TMEM131L: variants seen among roughly 807,000 people sequenced by gnomAD.
TMEM131L encodes transmembrane protein 131-like.
A neutral mutation model predicts 192.2 loss-of-function variants in TMEM131L; 54 were observed. That is an observed-to-expected ratio of 0.28 (90% CI 0.23 to 0.35). The LOEUF (loss-of-function observed/expected upper bound fraction) is 0.35. Ranked by LOEUF, TMEM131L falls within the 10% of genes least tolerant of loss-of-function variation. The pLI is 1.00. For synonymous variants in TMEM131L, 701 were observed against 704.9 expected, an observed-to-expected ratio of 0.99 and a Z score of 0.09; for missense variants, 1,888 against 1,972.9, an observed-to-expected ratio of 0.96 and a Z score of 0.82.
At chr4:153,467,311 T>G in intron 2 of TMEM131L, 30 bp downstream of exon 2, 1 of 1,544,108 alleles carries the variant, frequency 6.5e-7, no homozygotes, top group Non-Finnish European at 8.8e-7. Flanking sequence ...AGGGCGGCTG[T>G]GGGTGTACGA....
At chr4:153,468,376 G>A (rs975042845) in intron 2 of TMEM131L, among the ~76,000 whole-genome samples, 2 of 150,130 alleles carry the variant, frequency 1.3e-5, no homozygotes, top group Non-Finnish European at 2.9e-5. Context: ...TTTTGAGAAA[G>A]GGCCCCATCA....
chr4:153,583,791 T>A (rs1417439394), intron 11 of TMEM131L, 119 bp downstream of exon 11: 14 of 646,914 alleles, frequency 2.2e-5, no homozygotes, highest in Non-Finnish European at 3.8e-5. Context: ...TGCGTTTGAT[T>A]TCAAGAAGTC....
chr4:153,614,002 G>T (rs1455863229), intron 26 of TMEM131L, among the ~76,000 whole-genome samples: 2 of 152,270 alleles, frequency 1.3e-5, no homozygotes, highest in Middle Eastern at 3.4e-3. Flanking sequence ...CATAGTAGAG[G>T]GGACTTCAGA....
chr4:153,636,346 T>C lies in TMEM131L; in HGVS notation c.4603T>C (p.Phe1535Leu), dbSNP rs1734570410. The part of the protein sequence containing the change: ...TRSLSPMSGL[F>L]GSIWAPQSDV... ...AAGCTTGTCTCCAATGTCTGGACTT[T>C]TTGGTTCCATCTGGGCCCCGCAAAG... is the stretch of plus-strand genomic sequence containing the variant. Residue 1535 changes from phenylalanine (F) to leucine (L), a missense_variant, in exon 35 of 35, where the codon TTT (phenylalanine) becomes CTT (leucine). By Grantham distance (22) the Phe-to-Leu change is conservative. Coordinates refer to ENST00000409959, the MANE Select transcript of TMEM131L (RefSeq NM_001131007.2). The C allele has an allele frequency of 1.2e-6, 2 of 1,614,218 alleles. No individual in the cohort carries two copies. The highest frequency in any genetic ancestry group is 1.7e-6 in the Non-Finnish European group (2 of 1,180,044).
chr4:153,493,376 TG>T (rs1257238416), intron 3 of TMEM131L, among the ~76,000 whole-genome samples: 5 of 140,270 alleles, frequency 3.6e-5, no homozygotes, highest in South Asian at 2.3e-4. Context: ...AAGATATGTT[TG>T]GGGCTGGGCG....
In TMEM131L at chr4:153,466,520, A is replaced by T; in HGVS notation, c.123A>T (p.Gln41His). The change falls in exon 1 of 35, where the codon CAA becomes CAT. Residue 41 changes from glutamine (Q) to histidine (H), a missense_variant and splice_region_variant. Physicochemically the swap from Gln to His is conservative, Grantham distance 24. Transcript: ENST00000409959. Reference sequence around the variant, plus strand: ...GTCGCCCGGGAGGGGCTCAGGGACAAGGTCAGCCTTGCGCCGCTGGGCTCG... The same window carrying T: ...GTCGCCCGGGAGGGGCTCAGGGACATGGTCAGCCTTGCGCCGCTGGGCTCG... ...PCCRPGGAQG[Q>H]AIEPLPNVVE... 1 of 1,371,314 alleles carries T rather than the reference A, an allele frequency of 7.3e-7. No individual in the cohort carries two copies. The allele number at this position is 1,371,314 out of a possible 1,614,324, so 84.9% of individuals were successfully genotyped here.
intron 3 of TMEM131L, among the ~76,000 whole-genome samples, chr4:153,532,248 T>G (rs1394189369): frequency 6.6e-6 from 1 of 152,206 alleles, no homozygotes; most frequent in African/African-American, 2.4e-5. Context: ...CAAATGCATC[T>G]GCATATGGCA....
intron 7 of TMEM131L, among the ~76,000 whole-genome samples, chr4:153,570,372 C>G (rs1158061745): frequency 6.6e-6 from 1 of 152,150 alleles, no homozygotes; most frequent in Non-Finnish European, 1.5e-5. Context: ...TGAATTCATG[C>G]TGGTTGTGGA....
At chr4:153,626,036 T>C (rs1733821274) in intron 29 of TMEM131L, 111 bp from the exon 30 acceptor site, 1 of 631,530 alleles carries the variant, frequency 1.6e-6, no homozygotes, top group African/African-American at 1.9e-5. Flanking sequence ...CAGTTTAAAG[T>C]GAAAAATCAG....
chr4:153,607,520 G>A (rs1025190292), intron 25 of TMEM131L, among the ~76,000 whole-genome samples: 22 of 152,180 alleles, frequency 1.4e-4, no homozygotes, highest in Admixed American at 1.2e-3. Context: ...AACTCACTCA[G>A]TGTGTTTGCC....
intron 21 of TMEM131L, chr4:153,601,911 A>G: frequency 3.5e-6 from 1 of 282,858 alleles, no homozygotes; most frequent in Non-Finnish European, 6.4e-6. Flanking sequence ...GTATCTTGGT[A>G]GAGCATTTCA....
At chr4:153,568,347 G>A (rs1024269980) in intron 7 of TMEM131L, among the ~76,000 whole-genome samples, 1 of 152,174 alleles carries the variant, frequency 6.6e-6, no homozygotes, top group Non-Finnish European at 1.5e-5. Flanking sequence ...CTCCTTGTTT[G>A]TGCTTTAAAA....
chr4:153,479,105 A>G (rs1255603866), intron 3 of TMEM131L, among the ~76,000 whole-genome samples: 1 of 152,226 alleles, frequency 6.6e-6, no homozygotes, highest in Non-Finnish European at 1.5e-5. Context: ...TTTTACTGGC[A>G]AGACTGCCCA....
intron 1 of TMEM131L, 22 bp downstream of exon 1, chr4:153,466,543 T>G (rs1398835633): frequency 1.5e-6 from 2 of 1,307,516 alleles, no homozygotes; most frequent in African/African-American, 3.1e-5. Context: ...GCCGCTGGGC[T>G]CGCTCTGCCT....
At position 153,586,275 on chromosome 4, in the gene TMEM131L, G is replaced by T; in HGVS notation, c.1378G>T (p.Ala460Ser). ...TTGGAATATATTTTCTTTGAAACTTGCTGTTAAAGACATTGCCATAAATCT... is the reference window on the plus strand; with the variant it reads ...TTGGAATATATTTTCTTTGAAACTTTCTGTTAAAGACATTGCCATAAATCT... ...GCWNIFSLKL[A>S]VKDIAINLFT... is the part of the protein sequence containing the mutation. The change falls in exon 14 of 35, where the codon GCT (alanine) becomes TCT (serine). Residue 460 changes from alanine (A) to serine (S), a missense_variant. Ala to Ser is a moderately conservative substitution (Grantham distance 99). Coordinates refer to ENST00000409959, the MANE Select transcript of TMEM131L (RefSeq NM_001131007.2). 1 of 1,601,066 alleles carries T rather than the reference G, an allele frequency of 6.2e-7. No individual in the cohort carries two copies. Among genetic ancestry groups the T allele is most frequent in the South Asian group, 1.1e-5 (1 of 87,060 alleles).
chr4:153,598,755 C>CT, intron 21 of TMEM131L, 23 bp downstream of exon 21: 1 of 1,528,710 alleles, frequency 6.5e-7, no homozygotes, highest in Non-Finnish European at 8.8e-7. Flanking sequence ...GTGTGGCACT[C>CT]TGACAGGGGA....
intron 3 of TMEM131L, among the ~76,000 whole-genome samples, chr4:153,487,932 A>C (rs1732469630): frequency 6.9e-6 from 1 of 145,578 alleles, no homozygotes; most frequent in South Asian, 2.2e-4. Context: ...TGAGTGCGAG[A>C]GAGCAGACAG....
At chr4:153,562,622 G>C (rs570701116) in intron 7 of TMEM131L, among the ~76,000 whole-genome samples, 1 of 152,218 alleles carries the variant, frequency 6.6e-6, no homozygotes, top group South Asian at 2.1e-4. Context: ...TTAGTGGATT[G>C]AGGAGGTCAG....
intron 29 of TMEM131L, among the ~76,000 whole-genome samples, chr4:153,623,555 C>T (rs1260505245): frequency 6.6e-6 from 1 of 152,218 alleles, no homozygotes; most frequent in Non-Finnish European, 1.5e-5. Flanking sequence ...CTTTCTGTGT[C>T]TATAAATCTG....
Sources: allele counts gnomAD v4.1 joint callset (sites outside exome capture counted in the v4.1 genomes callset), GRCh38; gene constraint gnomAD v4.1.1; transcripts MANE v1.5; gene names NCBI Gene and HGNC (gene_info 2026-07-23, HGNC 2026-07-21).